ATXN3: variants seen among roughly 807,000 people sequenced by gnomAD.
The protein encoded by ATXN3 is ataxin-3.
In ATXN3, 28 loss-of-function variants were observed where a neutral mutation model predicts 58.2. The observed-to-expected ratio is 0.48, with a 90% CI of 0.36 to 0.66. ATXN3 has a LOEUF of 0.66. ATXN3 is among the 30% of genes least tolerant of loss of function. The pLI, the probability that ATXN3 is intolerant of heterozygous loss-of-function variation, is 0.00. For missense variants in ATXN3, 321 were observed against 422.1 expected (o/e 0.76, Z 2.10); for synonymous variants, 113 against 138.5 (o/e 0.82, Z 1.29).
chr14:92,093,933 GA>G, intron 3 of ATXN3, 102 bp from the exon 4 acceptor site: 1 of 640,852 alleles, frequency 1.6e-6, no homozygotes, highest in African/African-American at 1.9e-5. Context: ...AATTTCTCTA[GA>G]AGGCTATAGG....
intron 5 of ATXN3, 84 bp downstream of exon 5, chr14:92,093,168 T>A (rs1187471506): frequency 1.1e-6 from 1 of 897,818 alleles, no homozygotes; most frequent in African/African-American, 1.7e-5. Flanking sequence ...ACTGTTGGCA[T>A]GAGCCACCAC....
intron 6 of ATXN3, among the ~76,000 whole-genome samples, chr14:92,084,574 ATTTT>A (rs200578869): frequency 2.0e-5 from 3 of 147,206 alleles, no homozygotes; most frequent in African/African-American, 7.5e-5. Flanking sequence ...TCTATCATTA[ATTTT>A]TTTTTTTTTT....
intron 1 of ATXN3, among the ~76,000 whole-genome samples, chr14:92,105,047 C>G (rs867820983): frequency 6.6e-6 from 1 of 152,136 alleles, no homozygotes; most frequent in African/African-American, 2.4e-5. Flanking sequence ...GACAACTATA[C>G]GACTGAGTCC....
At position 92,082,637 on chromosome 14, in the gene ATXN3, T is replaced by C. The variant is rs564315315; in HGVS notation, c.609-171A>G. Among the ~76,000 whole-genome samples the C allele has an allele frequency of 2.4e-4, 36 of 149,468 alleles. No individual in the cohort carries two copies. The South Asian group carries it at 5.8e-3, about 24-fold the overall frequency. On this transcript the variant is annotated intron_variant, in intron 7 of 10. Coordinates refer to ENST00000644486, the MANE Select transcript of ATXN3 (RefSeq NM_004993.6). Reference sequence around the variant, plus strand: ...TGCAATTTGAATCCAACTAAGTTTTTTTTTTCCGTTTCTTTTTTTTTTTTT... The same window carrying C: ...TGCAATTTGAATCCAACTAAGTTTTCTTTTTCCGTTTCTTTTTTTTTTTTT...
At chr14:92,073,969 C>T (rs2059896595) in intron 9 of ATXN3, among the ~76,000 whole-genome samples, 2 of 144,010 alleles carry the variant, frequency 1.4e-5, no homozygotes, top group Admixed American at 7.1e-5. Context: ...GCCAAGATTG[C>T]ACCACTGCAC....
rs932642848 is a variant in ATXN3 at position 92,088,734 on chromosome 14, C to T, written c.471G>A (p.Gln157=). The T allele has an allele frequency of 1.0e-5, 16 of 1,592,486 alleles. No individual in the cohort carries two copies. Among genetic ancestry groups the T allele is most frequent in the Admixed American group, 5.0e-5 (3 of 59,664 alleles). The change falls in exon 6 of 11, where the codon CAG becomes CAA. Residue 157 remains glutamine, a synonymous_variant. Coordinates refer to ENST00000644486, the MANE Select transcript of ATXN3 (RefSeq NM_004993.6). ...AAATGTTCAGCCGTTACTTACCTTCCTGTTGTAATTGAGCCAAGAAAAGTG... is the reference window on the plus strand; with the variant it reads ...AAATGTTCAGCCGTTACTTACCTTCTTGTTGTAATTGAGCCAAGAAAAGTG... ...YLALFLAQLQ[Q]EGYSIFVVKG... is the part of the protein sequence containing the mutation.
chr14:92,078,350 A>AT (rs2060812834), intron 9 of ATXN3, among the ~76,000 whole-genome samples: 1 of 123,892 alleles, frequency 8.1e-6, no homozygotes, highest in Non-Finnish European at 1.7e-5. Context: ...GATTTAAGTT[A>AT]TTTTTTATTA....
intron 8 of ATXN3, among the ~76,000 whole-genome samples, chr14:92,081,753 C>G (rs2061525827): frequency 6.6e-6 from 1 of 151,876 alleles, no homozygotes; most frequent in Non-Finnish European, 1.5e-5. Flanking sequence ...ACAAAAAACC[C>G]ACTTCAAACT....
intron 1 of ATXN3, 72 bp from the exon 2 acceptor site, chr14:92,096,910 A>ATT (rs398026196): frequency 0.034 from 36,001 of 1,054,666 alleles, 118 homozygotes; most frequent in African/African-American, 0.073. Flanking sequence ...CCCCTAAATA[A>ATT]TTTTTTTTTT....
chr14:92,074,396 A>G (rs2059991114), intron 9 of ATXN3, among the ~76,000 whole-genome samples: 1 of 152,184 alleles, frequency 6.6e-6, no homozygotes, highest in African/African-American at 2.4e-5. Flanking sequence ...CTCTGGTGGC[A>G]AGCAAAGCCA....
At chr14:92,086,788 G>C (rs967320241) in intron 6 of ATXN3, among the ~76,000 whole-genome samples, 7 of 149,542 alleles carry the variant, frequency 4.7e-5, no homozygotes, top group African/African-American at 1.7e-4. Context: ...GAAATAAAAA[G>C]CTTATTTTAC....
intron 5 of ATXN3, among the ~76,000 whole-genome samples, chr14:92,092,167 C>T (rs2063987300): frequency 6.6e-6 from 1 of 152,188 alleles, no homozygotes; most frequent in Non-Finnish European, 1.5e-5. Context: ...TGCTTTCCAT[C>T]ACTACAGATG....
chr14:92,067,805 C>A (rs945677891), intron 10 of ATXN3, among the ~76,000 whole-genome samples: 3 of 152,162 alleles, frequency 2.0e-5, no homozygotes, highest in Non-Finnish European at 4.4e-5. Context: ...GCACTGGCAA[C>A]AGGGAAAAGG....
intron 6 of ATXN3, 42 bp downstream of exon 6, chr14:92,088,688 A>T: frequency 7.4e-7 from 1 of 1,352,000 alleles, no homozygotes; most frequent in Non-Finnish European, 1.1e-6. Flanking sequence ...TTATTTAACT[A>T]CTTCGAAAGG....
At position 92,065,838 on chromosome 14, in the gene ATXN3, G is replaced by A. The variant is rs191962247; in HGVS notation, c.992-1424C>T. Among the ~76,000 whole-genome samples the A allele has an allele frequency of 4.4e-3, 673 of 152,130 alleles. 5 individuals are homozygous for A. Among genetic ancestry groups the A allele is most frequent in the African/African-American group, 0.015 (634 of 41,480 alleles). ...AGAGGTTGCAGTAAGCCGAGATGGC[G>A]CCACTGCACTCCAGCCTCAGTGACA... On this transcript the variant is annotated intron_variant, in intron 10 of 10. Coordinates refer to ENST00000644486, the MANE Select transcript of ATXN3 (RefSeq NM_004993.6).
intron 9 of ATXN3, chr14:92,071,727 A>G (rs1239820307): frequency 6.0e-6 from 1 of 167,688 alleles, no homozygotes. Flanking sequence ...TTGATCAGAT[A>G]AAGCATTTCA....
rs368734521 is a variant in ATXN3, at chr14:92,106,571, A to C, written c.-19T>G. The C allele has an allele frequency of 6.2e-6, 10 of 1,611,738 alleles. No individual in the cohort carries two copies. Among genetic ancestry groups the C allele is most frequent in the Non-Finnish European group, 8.5e-6 (10 of 1,179,082 alleles). ...ACTCCATGTTTATTTGTCTGGAGCC[A>C]ACGGCCCCCACGCCGAACCACCCCC... On this transcript the variant is annotated 5_prime_UTR_variant, in exon 1 of 11. Transcript: ENST00000644486.
chr14:92,092,087 G>A (rs189111825), intron 5 of ATXN3, among the ~76,000 whole-genome samples: 3 of 142,642 alleles, frequency 2.1e-5, no homozygotes, highest in Admixed American at 6.8e-5. Flanking sequence ...CATGTTTCCC[G>A]TGCCTCTCTG....
downstream of ATXN3, among the ~76,000 whole-genome samples, chr14:92,054,458 C>A (rs913445059): frequency 1.3e-5 from 2 of 152,226 alleles, no homozygotes; most frequent in Non-Finnish European, 2.9e-5. Flanking sequence ...CTTGGTGCTA[C>A]GCCCCCACCA....
Sources: allele counts gnomAD v4.1 joint callset (sites outside exome capture counted in the v4.1 genomes callset), GRCh38; gene constraint gnomAD v4.1.1; transcripts MANE v1.5; gene names NCBI Gene and HGNC (gene_info 2026-07-23, HGNC 2026-07-21).